The following MGRN1 variants were observed in gnomAD, a reference collection of about 807,000 sequenced individuals.
The protein encoded by MGRN1 is E3 ubiquitin-protein ligase MGRN1.
In MGRN1, 29 loss-of-function variants were observed where a neutral mutation model predicts 69.2. That is an observed-to-expected ratio of 0.42 (90% CI 0.31 to 0.57). The LOEUF is 0.57. Ranked by LOEUF, MGRN1 falls within the 20% of genes least tolerant of loss-of-function variation. The probability of loss-of-function intolerance (pLI) is 0.15; values close to 1 mark genes in which losing one functional copy is unlikely to be tolerated. For synonymous variants in MGRN1, 470 were observed against 344.2 expected, an observed-to-expected ratio of 1.37 and a Z score of -4.04; for missense variants, 998 against 796.2, an observed-to-expected ratio of 1.25 and a Z score of -3.05.
intron 8 of MGRN1, chr16:4,669,181 C>T (rs1381787814): frequency 6.6e-6 from 1 of 152,292 alleles, no homozygotes; most frequent in African/African-American, 2.4e-5. Flanking sequence ...CGCCTGTAAT[C>T]CCAGCACTTC....
chr16:4,688,543 G>T, intron 16 of MGRN1: 1 of 1,262,280 alleles, frequency 7.9e-7, no homozygotes, highest in Non-Finnish European at 1.0e-6. Flanking sequence ...TCTGACTCGG[G>T]GCTGCAGATC....
At chr16:4,663,307 G>A (rs953636378) in intron 5 of MGRN1, among the ~76,000 whole-genome samples, 6 of 146,208 alleles carry the variant, frequency 4.1e-5, no homozygotes, top group African/African-American at 7.7e-5. Flanking sequence ...CAGGTGATCC[G>A]CCACCTAGGC....
Position 4,682,957 on chromosome 16 carries a change from C to G in MGRN1, c.1482+11C>G, listed in dbSNP as rs79979596. 4.0e-4 allele frequency: 624 copies of G among 1,546,996 alleles called. No homozygotes were observed. In the East Asian group the frequency reaches 7.4e-3, roughly 18 times the overall value. On this transcript the variant is annotated intron_variant, in intron 14 of 16. Transcript: ENST00000262370. ...AGCAGCTCCCCTGAGGTGAGGCCCC[C>G]CCGGGGAAGCTTTGCGCACCCGCCC...
At chr16:4,678,146 C>T (rs1177444356) in intron 11 of MGRN1, among the ~76,000 whole-genome samples, 1 of 152,224 alleles carries the variant, frequency 6.6e-6, no homozygotes, top group East Asian at 1.9e-4. Flanking sequence ...CGCCTCCACC[C>T]CGTGGTTCTT....
intron 10 of MGRN1, among the ~76,000 whole-genome samples, chr16:4,676,464 C>T (rs756808826): frequency 9.2e-5 from 14 of 151,848 alleles, no homozygotes; most frequent in Non-Finnish European, 1.8e-4. Flanking sequence ...TGTGTGGGGT[C>T]AGTGGGTCGG....
At chr16:4,667,004 G>C (rs1596301342) in intron 7 of MGRN1, among the ~76,000 whole-genome samples, 1 of 152,192 alleles carries the variant, frequency 6.6e-6, no homozygotes, top group African/African-American at 2.4e-5. Context: ...TGCCTCGGTG[G>C]CCCCGCCCCC....
chr16:4,657,988 G>A (rs961901648), intron 5 of MGRN1, among the ~76,000 whole-genome samples: 3 of 150,706 alleles, frequency 2.0e-5, no homozygotes, highest in Admixed American at 6.6e-5. Context: ...GTGATCCGCC[G>A]GCCTCGGCCT....
intron 1 of MGRN1, among the ~76,000 whole-genome samples, chr16:4,641,621 T>C (rs8051943): frequency 0.084 from 12,702 of 151,074 alleles, 1,756 homozygotes; most frequent in African/African-American, 0.29. Flanking sequence ...CAGGTTCAAG[T>C]GATTCTCCTG....
intron 5 of MGRN1, among the ~76,000 whole-genome samples, chr16:4,660,077 G>A (rs1449433942): frequency 1.3e-5 from 2 of 152,262 alleles, no homozygotes; most frequent in African/African-American, 4.8e-5. Context: ...GCTGGGCCAG[G>A]CATGGCTTAG....
At chr16:4,678,073 T>C (rs1265059510) in intron 11 of MGRN1, among the ~76,000 whole-genome samples, 2 of 152,182 alleles carry the variant, frequency 1.3e-5, no homozygotes, top group East Asian at 1.9e-4. Context: ...TCTCGAACTC[T>C]TGGGCTCAAG....
At chr16:4,681,191 C>T (rs1396625049) in intron 12 of MGRN1, among the ~76,000 whole-genome samples, 2 of 152,216 alleles carry the variant, frequency 1.3e-5, no homozygotes, top group Non-Finnish European at 2.9e-5. Context: ...CATGGCTTTG[C>T]TCTGCCCCCG....
In MGRN1 at chr16:4,677,986, C is replaced by A. The variant is rs555288072; in HGVS notation, c.1065+414C>A. On this transcript the variant is annotated intron_variant, in intron 11 of 16. Coordinates refer to ENST00000262370, the MANE Select transcript of MGRN1 (RefSeq NM_015246.4). ...TTTCAGCCTCCCAAGACGCTGTGAC[C>A]ACGGGCGTGTACCACCACGCCGAGC... Among the ~76,000 whole-genome samples, 253 of 152,166 alleles carry A rather than the reference C, an allele frequency of 1.7e-3. 2 individuals carry two copies. Among genetic ancestry groups the A allele is most frequent in the African/African-American group, 5.9e-3 (246 of 41,528 alleles).
intron 1 of MGRN1, among the ~76,000 whole-genome samples, chr16:4,630,814 T>C (rs1897963063): frequency 6.6e-6 from 1 of 151,358 alleles, no homozygotes; most frequent in Admixed American, 6.6e-5. Context: ...AATTCTTTTT[T>C]TTTTTTTTTT....
rs931264378 is a variant in MGRN1 at position 4,668,538 on chromosome 16, CAT to C, written c.726+228_726+229del. ...AGACACATAAACACACAGACACACA[CAT>C]ACACACATAAACACACTCCTACTCG... On this transcript the variant is annotated intron_variant, in intron 8 of 16. Transcript: ENST00000262370. 1.6e-4 allele frequency among the ~76,000 whole-genome samples: 25 copies of C among 151,986 alleles called. No individual in the cohort carries two copies. The East Asian group carries it at 3.3e-3, about 20-fold the overall frequency.
At chr16:4,647,010 G>A (rs1406578717) in intron 1 of MGRN1, among the ~76,000 whole-genome samples, 1 of 152,202 alleles carries the variant, frequency 6.6e-6, no homozygotes, top group Non-Finnish European at 1.5e-5. Context: ...TCAGCGCTGG[G>A]GAGAGCCTGG....
intron 1 of MGRN1, among the ~76,000 whole-genome samples, chr16:4,628,702 G>C (rs1897829651): frequency 6.6e-6 from 1 of 152,002 alleles, no homozygotes; most frequent in South Asian, 2.1e-4. Context: ...GCACCACCAC[G>C]CCCGGCTAAT....
In MGRN1 at chr16:4,668,325, A is replaced by G. The variant is rs775386260; in HGVS notation, c.726+13A>G. 2 of 1,613,542 alleles carry G rather than the reference A, an allele frequency of 1.2e-6. No homozygotes were observed. The highest frequency in any genetic ancestry group is 8.5e-7 in the Non-Finnish European group (1 of 1,179,644). Reference sequence around the variant, plus strand: ...GCAGAAGCAAATTGTAAGTCATCAGAGGAAATATGACGTGCTTGAATTAAA... The same window carrying G: ...GCAGAAGCAAATTGTAAGTCATCAGGGGAAATATGACGTGCTTGAATTAAA... On this transcript the variant is annotated intron_variant, in intron 8 of 16. Coordinates refer to ENST00000262370, the MANE Select transcript of MGRN1 (RefSeq NM_015246.4).
At chr16:4,688,107 G>A (rs1275857568) in intron 16 of MGRN1, 1 of 985,486 alleles carries the variant, frequency 1.0e-6, no homozygotes, top group Non-Finnish European at 1.2e-6. Flanking sequence ...CCCTTCACCG[G>A]AGAGTGGGGC....
chr16:4,628,150 G>A (rs1176338181), intron 1 of MGRN1, among the ~76,000 whole-genome samples: 2 of 151,308 alleles, frequency 1.3e-5, no homozygotes, highest in African/African-American at 4.9e-5. Flanking sequence ...ACTTTGGGAG[G>A]CCGAGGCAGG....
Sources: gnomAD v4.1 joint callset for allele counts (sites outside exome capture counted in the v4.1 genomes callset) on GRCh38, gnomAD v4.1.1 for gene constraint, MANE v1.5 for transcripts, NCBI Gene and HGNC (gene_info 2026-07-23, HGNC 2026-07-21) for gene names.